Variants in WWOX observed in about 807,000 individuals in gnomAD.
The protein encoded by WWOX is WW domain containing oxidoreductase.
WWOX carries 69 observed loss-of-function variants against 46.2 expected under a neutral mutation model. The observed-to-expected ratio is 1.49, with a 90% CI of 1.23 to 1.82. The LOEUF (loss-of-function observed/expected upper bound fraction) is 1.82. Ranked by LOEUF, WWOX falls within the 40% of genes most tolerant of loss-of-function variation. WWOX has a pLI of 0.00. For missense variants in WWOX, 919 were observed against 542.6 expected (o/e 1.69, Z -6.89); for synonymous variants, 359 against 202.6 (o/e 1.77, Z -6.56).
chr16:79,192,649 G>A (rs1162190659), intron 8 of WWOX, among the ~76,000 whole-genome samples: 4 of 152,150 alleles, frequency 2.6e-5, no homozygotes, highest in African/African-American at 9.7e-5. Flanking sequence ...GCTTACAAGT[G>A]GAGCCTTTCC....
At chr16:78,428,628 A>G (rs1268574156) in intron 7 of WWOX, among the ~76,000 whole-genome samples, 2 of 152,244 alleles carry the variant, frequency 1.3e-5, no homozygotes, top group Non-Finnish European at 2.9e-5. Flanking sequence ...TTCTCCTCTT[A>G]GACATTTAAT....
chr16:78,898,300 C>A (rs1029848218), intron 8 of WWOX: 3 of 152,140 alleles, frequency 2.0e-5, no homozygotes, highest in Admixed American at 6.5e-5. Context: ...TATGTTCCAT[C>A]TCAAATTAAT....
chr16:78,737,797 G>C (rs928768189), intron 8 of WWOX, among the ~76,000 whole-genome samples: 6 of 152,108 alleles, frequency 3.9e-5, no homozygotes, highest in East Asian at 1.9e-4. Context: ...CTTTTACAGA[G>C]TGTTTGCAGA....
At chr16:78,949,484 A>G (rs1391666464) in intron 8 of WWOX, among the ~76,000 whole-genome samples, 1 of 152,084 alleles carries the variant, frequency 6.6e-6, no homozygotes, top group Non-Finnish European at 1.5e-5. Flanking sequence ...CCCTGCATTC[A>G]ATAGAATTGC....
intron 8 of WWOX, among the ~76,000 whole-genome samples, chr16:78,818,221 G>A (rs565326844): frequency 7.9e-5 from 12 of 152,334 alleles, no homozygotes; most frequent in Non-Finnish European, 1.5e-4. Flanking sequence ...AATGGCTGAA[G>A]GCTACAGGTT....
At chr16:78,165,657 C>A (rs1363616862) in intron 5 of WWOX, among the ~76,000 whole-genome samples, 1 of 152,132 alleles carries the variant, frequency 6.6e-6, no homozygotes, top group East Asian at 1.9e-4. Context: ...AGGCCGTCTT[C>A]ATTTTTGAAT....
At chr16:78,651,749 A>C (rs2046970306) in intron 8 of WWOX, among the ~76,000 whole-genome samples, 1 of 152,120 alleles carries the variant, frequency 6.6e-6, no homozygotes, top group African/African-American at 2.4e-5. Context: ...TTGATGAAGA[A>C]CCTCTTTCGT....
At chr16:78,780,462 C>G (rs2050296851) in intron 8 of WWOX, 1 of 152,146 alleles carries the variant, frequency 6.6e-6, no homozygotes, top group Admixed American at 6.6e-5. Flanking sequence ...ACAAAAAGGC[C>G]TCTGACTTAA....
chr16:79,190,570 C>A (rs434342), intron 8 of WWOX, among the ~76,000 whole-genome samples: 110,820 of 152,012 alleles, frequency 0.73, 41,439 homozygotes, highest in Non-Finnish European at 0.82. Flanking sequence ...ACTGGCACGA[C>A]AGTTCAGTCA....
intron 8 of WWOX, among the ~76,000 whole-genome samples, chr16:79,098,705 C>T (rs756762035): frequency 7.9e-4 from 120 of 152,302 alleles, no homozygotes; most frequent in Middle Eastern, 3.4e-3. Flanking sequence ...GTCTACTAGG[C>T]AGGTCAACAT....
chr16:78,586,444 A>G (rs2045211169), intron 8 of WWOX, among the ~76,000 whole-genome samples: 1 of 151,992 alleles, frequency 6.6e-6, no homozygotes, highest in South Asian at 2.1e-4. Context: ...TTGTTTTTCT[A>G]CTTGAATTCT....
chr16:78,646,740 T>G (rs1240352682), intron 8 of WWOX, among the ~76,000 whole-genome samples: 27 of 152,214 alleles, frequency 1.8e-4, no homozygotes, highest in Admixed American at 1.8e-3. Flanking sequence ...TTAAATTTTA[T>G]TTTTCAGTTT....
At chr16:78,718,220 A>G (rs917978452) in intron 8 of WWOX, among the ~76,000 whole-genome samples, 1 of 151,890 alleles carries the variant, frequency 6.6e-6, no homozygotes, top group Admixed American at 6.6e-5. Context: ...GCACATTTGT[A>G]AACAATTATG....
chr16:78,983,856 T>C (rs2046731181), intron 8 of WWOX, among the ~76,000 whole-genome samples: 1 of 149,460 alleles, frequency 6.7e-6, no homozygotes, highest in East Asian at 2.0e-4. Context: ...AGTCCATCTG[T>C]TATGAGAGCT....
chr16:78,148,261 A>G (rs1253461371), intron 4 of WWOX, among the ~76,000 whole-genome samples: 2 of 152,198 alleles, frequency 1.3e-5, no homozygotes, highest in Non-Finnish European at 2.9e-5. Context: ...GAGTGTGAGT[A>G]CAGAATTATA....
At chr16:79,037,486 C>CT (rs1419787004) in intron 8 of WWOX, among the ~76,000 whole-genome samples, 1 of 152,048 alleles carries the variant, frequency 6.6e-6, no homozygotes, top group Admixed American at 6.6e-5. Context: ...AGGAAGTTGT[C>CT]ATAGGAGTCT....
intron 6 of WWOX, among the ~76,000 whole-genome samples, chr16:78,394,290 AG>A (rs1477156141): frequency 2.6e-5 from 4 of 152,326 alleles, no homozygotes; most frequent in African/African-American, 9.6e-5. Context: ...AAAGAAAAAC[AG>A]AGGCAGTTTT....
At chr16:78,664,802 T>C (rs1002190970) in intron 8 of WWOX, among the ~76,000 whole-genome samples, 1 of 152,020 alleles carries the variant, frequency 6.6e-6, no homozygotes, top group African/African-American at 2.4e-5. Context: ...AATAGGAAAA[T>C]AGATTTCAAG....
chr16:78,543,115 G>A (rs886186340), intron 8 of WWOX, among the ~76,000 whole-genome samples: 1 of 152,228 alleles, frequency 6.6e-6, no homozygotes, highest in East Asian at 1.9e-4. Flanking sequence ...GTGTGGGCTG[G>A]CATGTTCTTC....
Sources: allele counts gnomAD v4.1 joint callset (sites outside exome capture counted in the v4.1 genomes callset), GRCh38; gene constraint gnomAD v4.1.1; transcripts MANE v1.5; gene names NCBI Gene and HGNC (gene_info 2026-07-23, HGNC 2026-07-21).